The following PDE1C variants were observed in gnomAD, a reference collection of about 807,000 sequenced individuals.
PDE1C encodes dual specificity calcium/calmodulin-dependent 3',5'-cyclic nucleotide phosphodiesterase 1C.
A neutral mutation model predicts 93.1 loss-of-function variants in PDE1C; 62 were observed. That is an observed-to-expected ratio of 0.67 (90% CI 0.54 to 0.82). PDE1C has a LOEUF of 0.82. PDE1C is among the 40% of genes least tolerant of loss of function. The pLI is 0.00. For missense variants in PDE1C, 742 were observed against 884.6 expected (o/e 0.84, Z 2.04); for synonymous variants, 325 against 310.1 (o/e 1.05, Z -0.50).
chr7:31,935,019 C>T (rs1036765621), intron 2 of PDE1C, among the ~76,000 whole-genome samples: 2 of 151,926 alleles, frequency 1.3e-5, no homozygotes, highest in African/African-American at 2.4e-5. Context: ...CTAGAACATA[C>T]ATGTAAGGAC....
chr7:31,766,577 C>A (rs183335623), intron 17 of PDE1C, among the ~76,000 whole-genome samples: 47 of 152,280 alleles, frequency 3.1e-4, no homozygotes, highest in Admixed American at 8.5e-4. Context: ...TGATACTTCA[C>A]TCTCTTCCCT....
intron 16 of PDE1C, chr7:31,786,708 T>G (rs922782367): frequency 1.3e-5 from 2 of 152,214 alleles, no homozygotes; most frequent in Non-Finnish European, 2.9e-5. Flanking sequence ...CTAAATTCTC[T>G]TTATTTGGGA....
At chr7:31,806,494 G>C (rs758364552) in intron 16 of PDE1C, among the ~76,000 whole-genome samples, 1 of 151,942 alleles carries the variant, frequency 6.6e-6, no homozygotes, top group Non-Finnish European at 1.5e-5. Flanking sequence ...ACTTTCAAAG[G>C]ACATCCATTC....
At chr7:32,214,449 C>T (rs1305709895) in intron 1 of PDE1C, among the ~76,000 whole-genome samples, 1 of 152,114 alleles carries the variant, frequency 6.6e-6, no homozygotes, top group Non-Finnish European at 1.5e-5. Flanking sequence ...CCAGACCACA[C>T]CCCAGACCAA....
intron 1 of PDE1C, among the ~76,000 whole-genome samples, chr7:32,269,470 G>GTTTT (rs777892804): frequency 3.2e-4 from 48 of 151,888 alleles, no homozygotes; most frequent in Non-Finnish European, 5.7e-4. Flanking sequence ...GTTTTGTTTC[G>GTTTT]TTTTTCGGTT....
At chr7:32,414,082 G>A (rs1785225709) in intron 1 of PDE1C, among the ~76,000 whole-genome samples, 1 of 151,712 alleles carries the variant, frequency 6.6e-6, no homozygotes, top group Non-Finnish European at 1.5e-5. Flanking sequence ...GCGTGGTGGT[G>A]TGTGCCTGCA....
intron 2 of PDE1C, among the ~76,000 whole-genome samples, chr7:32,025,516 G>A (rs1489559831): frequency 6.6e-6 from 1 of 151,218 alleles, no homozygotes. Context: ...AGCAAGGCTG[G>A]TTGACGTTTC....
intron 11 of PDE1C, among the ~76,000 whole-genome samples, chr7:31,836,271 C>T (rs1431708858): frequency 1.3e-5 from 2 of 152,174 alleles, no homozygotes; most frequent in African/African-American, 4.8e-5. Flanking sequence ...TTCCCTATTT[C>T]TCTAGTTCCA....
chr7:31,784,295 A>T (rs1284729258), intron 16 of PDE1C: 3 of 152,122 alleles, frequency 2.0e-5, no homozygotes, highest in African/African-American at 7.2e-5. Flanking sequence ...ACCCTGTGAG[A>T]GCAAAAACTG....
chr7:31,682,418 G>A, the PDE1C span, among the ~76,000 whole-genome samples: 2 of 152,058 alleles, frequency 1.3e-5, no homozygotes, highest in African/African-American at 4.8e-5. Flanking sequence ...TTAAGAACTT[G>A]GTGAGATATT....
chr7:32,331,190 G>A (rs1227871899), intron 1 of PDE1C, among the ~76,000 whole-genome samples: 1 of 152,176 alleles, frequency 6.6e-6, no homozygotes, highest in African/African-American at 2.4e-5. Flanking sequence ...GTGGCCTCGG[G>A]GATAGTGAGA....
intron 1 of PDE1C, among the ~76,000 whole-genome samples, chr7:32,412,486 A>G (rs1785191012): frequency 6.6e-6 from 1 of 151,908 alleles, no homozygotes; most frequent in Admixed American, 6.6e-5. Flanking sequence ...TAGCAAACAC[A>G]TAAATCAGTA....
At chr7:32,306,278 T>G (rs1421655869) in intron 1 of PDE1C, among the ~76,000 whole-genome samples, 1 of 152,170 alleles carries the variant, frequency 6.6e-6, no homozygotes. Context: ...GGGTTCCTGG[T>G]CATAATACTT....
At chr7:31,899,508 T>C (rs1024680877) in intron 2 of PDE1C, among the ~76,000 whole-genome samples, 7 of 152,084 alleles carry the variant, frequency 4.6e-5, no homozygotes, top group African/African-American at 1.7e-4. Context: ...CGGCAGCTGA[T>C]AGTGTAAGCC....
intron 1 of PDE1C, among the ~76,000 whole-genome samples, chr7:32,305,654 C>T (rs987794744): frequency 1.3e-5 from 2 of 152,230 alleles, no homozygotes; most frequent in African/African-American, 4.8e-5. Flanking sequence ...CTTTACCACC[C>T]TCTTTCCAGC....
chr7:31,686,360 G>A, the PDE1C span, among the ~76,000 whole-genome samples: 52 of 152,202 alleles, frequency 3.4e-4, no homozygotes, highest in Admixed American at 1.1e-3. Flanking sequence ...CATGTCTCCC[G>A]CCTCTCCCAC....
chr7:31,948,194 C>T (rs1806872120), intron 2 of PDE1C, among the ~76,000 whole-genome samples: 1 of 152,180 alleles, frequency 6.6e-6, no homozygotes, highest in Non-Finnish European at 1.5e-5. Context: ...TATAAAAATG[C>T]ATTCCAATTT....
At chr7:32,384,212 G>C (rs759764575) in intron 1 of PDE1C, among the ~76,000 whole-genome samples, 1 of 152,124 alleles carries the variant, frequency 6.6e-6, no homozygotes, top group African/African-American at 2.4e-5. Flanking sequence ...AAGATTCACA[G>C]GTAAATAAAT....
At chr7:31,747,476 CA>C (rs1198291693), downstream of PDE1C, among the ~76,000 whole-genome samples, 1 of 152,084 alleles carries the variant, frequency 6.6e-6, no homozygotes, top group Non-Finnish European at 1.5e-5. Flanking sequence ...TCTATCATTT[CA>C]AATTTTTGCC....
Sources: allele counts gnomAD v4.1 joint callset (sites outside exome capture counted in the v4.1 genomes callset), GRCh38; gene constraint gnomAD v4.1.1; transcripts MANE v1.5; gene names NCBI Gene and HGNC (gene_info 2026-07-23, HGNC 2026-07-21).